Variants in PIGX observed in about 807,000 individuals in gnomAD.
PIGX encodes the protein phosphatidylinositol glycan anchor biosynthesis class X, also known as GPI alpha-1,4-mannosyltransferase I, stabilizing subunit.
Under a neutral mutation model 28.7 loss-of-function variants are expected in PIGX, and 24 were observed. The observed-to-expected ratio is 0.84, with a 90% confidence interval of 0.60 to 1.17. PIGX has a LOEUF of 1.17. PIGX is among the 50% of genes most tolerant of loss of function. The pLI, the probability that PIGX is intolerant of heterozygous loss-of-function variation, is 0.00. For missense variants in PIGX, 305 were observed against 317.8 expected (o/e 0.96, Z 0.31); for synonymous variants, 127 against 121.0 (o/e 1.05, Z -0.33).
At chr3:196,713,750 T>C (rs998815757) in intron 1 of PIGX, among the ~76,000 whole-genome samples, 1 of 150,604 alleles carries the variant, frequency 6.6e-6, no homozygotes, top group East Asian at 2.0e-4. Flanking sequence ...GGCAGGAGAA[T>C]CGCTTGAACT....
At position 196,728,585 on chromosome 3, in the gene PIGX, C is replaced by T. The variant is rs1374476301; in HGVS notation, c.532+449C>T. The stretch of plus-strand genomic sequence containing the variant: ...AGGTTTCTCTCTATCCCTTTCCTTT[C>T]TTCAACACTGATCTGTTGAAAGAAC... On this transcript the variant is annotated intron_variant, in intron 4 of 5. Transcript: ENST00000392391. 8.4e-6 allele frequency: 6 copies of T among 716,642 alleles called. No homozygotes were observed. The African/African-American group carries it at 1.0e-4, about 12-fold the overall frequency. 44.4% of individuals were successfully genotyped at this position (716,642 alleles called of 1,614,324 possible).
intron 3 of PIGX, chr3:196,726,732 T>G (rs1240647780): frequency 8.3e-5 from 38 of 455,146 alleles, no homozygotes; most frequent in South Asian, 5.6e-4. Context: ...ACGAATTTAT[T>G]GCAGACATTG....
intron 3 of PIGX, among the ~76,000 whole-genome samples, chr3:196,723,724 A>G (rs1712413970): frequency 6.6e-6 from 1 of 151,850 alleles, no homozygotes; most frequent in African/African-American, 2.4e-5. Context: ...TAAGATTATA[A>G]TCTACTTACG....
intron 1 of PIGX, among the ~76,000 whole-genome samples, chr3:196,713,958 T>C (rs1468732847): frequency 6.6e-6 from 1 of 152,050 alleles, no homozygotes; most frequent in East Asian, 1.9e-4. Context: ...GTTTTAAAAA[T>C]GGTACTTTTG....
chr3:196,720,182 A>G (rs755858744), intron 2 of PIGX, among the ~76,000 whole-genome samples: 1 of 152,226 alleles, frequency 6.6e-6, no homozygotes, highest in Non-Finnish European at 1.5e-5. Flanking sequence ...GTTTTGTACA[A>G]CTGAAACTCC....
Position 196,734,691 on chromosome 3 carries a change from GAAATT to G in PIGX, c.*792_*796del, listed in dbSNP as rs1383792562. ...AAAATCATTAAAGTAGGACAGCTAA[GAAATT>G]AATATTAATATCAAAATTATTGATA... On this transcript the variant is annotated 3_prime_UTR_variant, in exon 6 of 6. Transcript: ENST00000392391. 2.0e-5 allele frequency: 3 copies of G among 152,174 alleles called. No individual in the cohort carries two copies. The highest frequency in any genetic ancestry group is 7.2e-5 in the African/African-American group (3 of 41,432). The allele number at this position is 152,174 out of a possible 1,614,324, so 9.4% of individuals were successfully genotyped here.
At chr3:196,725,221 C>CG (rs1712474957) in intron 3 of PIGX, among the ~76,000 whole-genome samples, 3 of 152,048 alleles carry the variant, frequency 2.0e-5, no homozygotes, top group South Asian at 2.1e-4. Context: ...TTTTTGAAAC[C>CG]ATAAGTTTTA....
chr3:196,733,636 C>T lies in PIGX; in HGVS notation c.634-123C>T. On this transcript the variant is annotated intron_variant, in intron 5 of 5. Transcript: ENST00000392391. The surrounding 1 kb of genome is among the most constrained non-coding windows in gnomAD (Gnocchi z 4.3). ...AGATGTTGGCCAGGCTGGTTTTGAA[C>T]TCCTGACCTCAAGCGATCTGCCCGC... 4.4e-6 allele frequency: 3 copies of T among 676,010 alleles called. No individual in the cohort carries two copies. The highest frequency in any genetic ancestry group is 3.6e-5 in the South Asian group (2 of 55,604). The allele number at this position is 676,010 out of a possible 1,614,324, so 41.9% of individuals were successfully genotyped here.
At chr3:196,713,095 G>A in intron 1 of PIGX, 1 of 985,370 alleles carries the variant, frequency 1.0e-6, no homozygotes, top group Non-Finnish European at 1.2e-6. Context: ...CTACTGAGAC[G>A]GGCAAGTGCG....
intron 3 of PIGX, among the ~76,000 whole-genome samples, chr3:196,723,797 C>T (rs1045702866): frequency 2.6e-5 from 4 of 151,756 alleles, no homozygotes; most frequent in East Asian, 1.9e-4. Context: ...TATTTCTAAT[C>T]GTGGTTTAGG....
intron 4 of PIGX, among the ~76,000 whole-genome samples, chr3:196,729,161 G>A (rs1712642570): frequency 1.3e-5 from 2 of 151,678 alleles, no homozygotes; most frequent in African/African-American, 2.4e-5. Flanking sequence ...GTGAAACCCC[G>A]TCTCTACTAA....
rs1278391799 is a variant in PIGX at position 196,732,249 on chromosome 3, TATATATA to T, written c.633+1158_633+1164del. Among the ~76,000 whole-genome samples the T allele has an allele frequency of 5.1e-3, 180 of 35,554 alleles. 2 individuals are homozygous for T. The highest frequency in any genetic ancestry group is 5.0e-3 in the Non-Finnish European group (101 of 20,012). 23.3% of individuals were successfully genotyped at this position (35,554 alleles called of 152,430 possible). On this transcript the variant is annotated intron_variant, in intron 5 of 5. Transcript: ENST00000392391. ...ATATATATATATATATATATATATA[TATATATA>T]TTTTATTTTATTTTATTTTTTTTTT...
chr3:196,731,141 G>A (rs1205653456), intron 5 of PIGX, 49 bp downstream of exon 5: 10 of 1,047,506 alleles, frequency 9.5e-6, no homozygotes, highest in Non-Finnish European at 1.3e-5. Flanking sequence ...CTCATTTAAA[G>A]CTCTTTCTGT....
Position 196,735,440 on chromosome 3 carries a change from T to C in PIGX, c.*1538T>C, listed in dbSNP as rs1186016610. The C allele has an allele frequency of 6.6e-6, 1 of 151,710 alleles. No individual in the cohort carries two copies. Among genetic ancestry groups the C allele is most frequent in the Non-Finnish European group, 1.5e-5 (1 of 67,964 alleles). 9.4% of individuals were successfully genotyped at this position (151,710 alleles called of 1,614,324 possible). ...ATGTGATAAACCTTTGTATATGCCA[T>C]CACTGCTCCATTTCCTAAAGTATTT... On this transcript the variant is annotated 3_prime_UTR_variant, in exon 6 of 6. Transcript: ENST00000392391.
chr3:196,723,982 C>A (rs567054889), intron 3 of PIGX, among the ~76,000 whole-genome samples: 7 of 148,736 alleles, frequency 4.7e-5, no homozygotes, highest in African/African-American at 1.7e-4. Flanking sequence ...TTTACATACA[C>A]ATACAATTAT....
At chr3:196,714,463 C>CT (rs35728280) in intron 1 of PIGX, among the ~76,000 whole-genome samples, 21,988 of 138,404 alleles carry the variant, frequency 0.16, 2,113 homozygotes, top group Non-Finnish European at 0.2. Context: ...GGCCCTGTCT[C>CT]TTTTTTTTTT....
chr3:196,714,615 C>T (rs1384415828), intron 1 of PIGX, among the ~76,000 whole-genome samples: 6 of 152,120 alleles, frequency 3.9e-5, no homozygotes, highest in South Asian at 4.1e-4. Flanking sequence ...GTGCACACCA[C>T]GACGCCCGGC....
In PIGX at chr3:196,730,996, C is replaced by G; in HGVS notation, c.537C>G (p.Phe179Leu). Reference sequence around the variant, plus strand: ...ATTTTCTACCACTTTTCTCAGAGTTCCCGATTTTGAAATGCTGGGCTCACT... The same window carrying G: ...ATTTTCTACCACTTTTCTCAGAGTTGCCGATTTTGAAATGCTGGGCTCACT... The change falls in exon 5 of 6, where the codon TTC (phenylalanine) becomes TTG (leucine). Residue 179 changes from phenylalanine (F) to leucine (L), a missense_variant. Phe to Leu is a conservative substitution (Grantham distance 22, BLOSUM62 0). Transcript: ENST00000392391. The G allele has an allele frequency of 1.2e-6, 2 of 1,603,254 alleles. No individual in the cohort carries two copies. Among genetic ancestry groups the G allele is most frequent in the East Asian group, 2.2e-5 (1 of 44,776 alleles).
intron 3 of PIGX, chr3:196,726,816 A>G (rs1560078228): frequency 3.1e-6 from 1 of 325,710 alleles, no homozygotes; most frequent in East Asian, 9.0e-5. Flanking sequence ...ATAACCTTAT[A>G]ACAGTAGATA....
Sources: gnomAD v4.1 joint callset for allele counts (sites outside exome capture counted in the v4.1 genomes callset) on GRCh38, gnomAD v4.1.1 for gene constraint, Gnocchi (gnomAD v3.1) non-coding constraint, MANE v1.5 for transcripts, NCBI Gene and HGNC (gene_info 2026-07-23, HGNC 2026-07-21) for gene names.